SASH1: variants seen among roughly 807,000 people sequenced by gnomAD.
SASH1 encodes SAM and SH3 domain-containing protein 1.
Under a neutral mutation model 125.2 loss-of-function variants are expected in SASH1, and 44 were observed. The ratio of observed to expected loss-of-function variants is 0.35; its 90% CI spans 0.28 to 0.45. The LOEUF (loss-of-function observed/expected upper bound fraction) is 0.45, where lower values mean the gene tolerates loss of function less well. Ranked by LOEUF, SASH1 falls within the 20% of genes least tolerant of loss-of-function variation. The pLI is 1.00. For missense variants in SASH1, 1,426 were observed against 1,614.5 expected, an observed-to-expected ratio of 0.88 and a Z score of 2.00; for synonymous variants, 639 against 649.1, an observed-to-expected ratio of 0.98 and a Z score of 0.24.
chr6:148,304,076 G>A (rs768764394), intron 1 of SASH1, among the ~76,000 whole-genome samples: 10 of 152,086 alleles, frequency 6.6e-5, no homozygotes, highest in Non-Finnish European at 1.5e-4. Context: ...AGGCCGAGGT[G>A]GGTGGATCAC....
upstream of SASH1, among the ~76,000 whole-genome samples, chr6:148,268,178 G>A (rs1778986829): frequency 6.6e-6 from 1 of 152,136 alleles, no homozygotes; most frequent in African/African-American, 2.4e-5. Flanking sequence ...AACAATTTGG[G>A]ATGCTAGGAA....
At position 148,527,977 on chromosome 6, in the gene SASH1, C is replaced by CTT. The variant is rs5880790; in HGVS notation, c.1428+391_1428+392dup. Among the ~76,000 whole-genome samples the CTT allele has an allele frequency of 6.1e-4, 58 of 94,382 alleles. 2 individuals are homozygous for CTT. Among genetic ancestry groups the CTT allele is most frequent in the Admixed American group, 1.4e-3 (14 of 9,736 alleles). 61.9% of individuals were successfully genotyped at this position (94,382 alleles called of 152,430 possible). ...GATGTTACCTGAATCAAACCTAAAG[C>CTT]TTTTTTTTTTTGGGGGGGGGGGTGG... On this transcript the variant is annotated intron_variant, in intron 12 of 19. Transcript: ENST00000367467.
At chr6:148,505,648 T>C (rs1779758063) in intron 8 of SASH1, among the ~76,000 whole-genome samples, 2 of 149,518 alleles carry the variant, frequency 1.3e-5, no homozygotes, top group South Asian at 4.2e-4. Flanking sequence ...TTTTTTTTCT[T>C]TTTTCTTTTT....
chr6:148,533,026 T>C lies in SASH1; in HGVS notation c.1734+60T>C, dbSNP rs768549746. 7.1e-6 allele frequency: 11 copies of C among 1,552,146 alleles called. No individual in the cohort carries two copies. The highest frequency in any genetic ancestry group is 8.9e-6 in the Non-Finnish European group (10 of 1,127,158). ...GGCTCTTCCATTTCTCTAGGAGGCT[T>C]TCTTTCCTCCTCACTGTTGAATGCT... On this transcript the variant is annotated intron_variant, in intron 14 of 19. Coordinates refer to ENST00000367467, the MANE Select transcript of SASH1 (RefSeq NM_015278.5). The surrounding 1 kb of genome is among the most constrained non-coding windows in gnomAD (Gnocchi z 6.2).
chr6:148,545,856 G>A (rs1226858010), intron 18 of SASH1, among the ~76,000 whole-genome samples, 159 bp from the exon 19 acceptor site: 3 of 152,260 alleles, frequency 2.0e-5, no homozygotes, highest in African/African-American at 4.8e-5. Context: ...CGAGAAGATC[G>A]CTTGAGCCCA....
chr6:148,353,476 C>T (rs1454801031), intron 1 of SASH1, among the ~76,000 whole-genome samples: 1 of 141,616 alleles, frequency 7.1e-6, no homozygotes, highest in Non-Finnish European at 1.5e-5. Context: ...TTGCTGTCTC[C>T]CACGCTGGAG....
intron 1 of SASH1, among the ~76,000 whole-genome samples, chr6:148,312,297 C>A (rs902227101): frequency 6.6e-6 from 1 of 152,080 alleles, no homozygotes; most frequent in African/African-American, 2.4e-5. Flanking sequence ...CTCCATAAGC[C>A]TGATCAGGAA....
At position 148,534,720 on chromosome 6, in the gene SASH1, C is replaced by T. The variant is rs762018755; in HGVS notation, c.1945-31C>T. 36 of 1,613,414 alleles carry T rather than the reference C, an allele frequency of 2.2e-5. No homozygotes were observed. In the East Asian group the frequency reaches 7.1e-4, roughly 32 times the overall value. On this transcript the variant is annotated intron_variant, in intron 15 of 19. Coordinates refer to ENST00000367467, the MANE Select transcript of SASH1 (RefSeq NM_015278.5). ...GTTATCATGTGTCTGGGCTGGCTGA[C>T]ACCCTTCTGTCTTCCTTCTCCCTCT...
chr6:148,494,719 C>T (rs890546485), intron 8 of SASH1, among the ~76,000 whole-genome samples: 1 of 152,176 alleles, frequency 6.6e-6, no homozygotes, highest in Admixed American at 6.5e-5. Flanking sequence ...TGTGTGCACT[C>T]TTCATAGCCT....
At chr6:148,357,031 T>G (rs1336650546) in intron 1 of SASH1, among the ~76,000 whole-genome samples, 1 of 152,206 alleles carries the variant, frequency 6.6e-6, no homozygotes, top group East Asian at 1.9e-4. Context: ...TTTGATGGGA[T>G]TATTTGTTTT....
chr6:148,403,095 CA>C (rs1383593613), intron 2 of SASH1, among the ~76,000 whole-genome samples: 1 of 152,076 alleles, frequency 6.6e-6, no homozygotes, highest in African/African-American at 2.4e-5. Flanking sequence ...AGGCCAATGC[CA>C]AATCTTCCCT....
intron 4 of SASH1, among the ~76,000 whole-genome samples, chr6:148,454,446 T>C (rs1242137443): frequency 3.3e-5 from 5 of 152,182 alleles, no homozygotes; most frequent in Admixed American, 6.5e-5. Context: ...AATCCGGCTG[T>C]TCTAAATTGT....
chr6:148,422,304 C>A (rs770584311), intron 2 of SASH1, among the ~76,000 whole-genome samples: 4 of 152,224 alleles, frequency 2.6e-5, no homozygotes, highest in Non-Finnish European at 5.9e-5. Context: ...AACAGTACTC[C>A]ACCTTGTCCC....
intron 4 of SASH1, among the ~76,000 whole-genome samples, chr6:148,442,058 T>C (rs762496137): frequency 5.9e-5 from 9 of 152,276 alleles, no homozygotes; most frequent in Non-Finnish European, 1.0e-4. Flanking sequence ...AAAACTATGC[T>C]ATCCTTTGCT....
At chr6:148,249,041 T>C in the SASH1 span, among the ~76,000 whole-genome samples, 1 of 152,106 alleles carries the variant, frequency 6.6e-6, no homozygotes, top group African/African-American at 2.4e-5. Context: ...AGAACCTGGC[T>C]CACAGTGAAT....
At chr6:148,243,089 G>C in the SASH1 span, among the ~76,000 whole-genome samples, 1 of 151,836 alleles carries the variant, frequency 6.6e-6, no homozygotes, top group Non-Finnish European at 1.5e-5. Flanking sequence ...GCTGAGACAG[G>C]CGAGTCACTT....
At chr6:148,349,248 CTTTCTTTTTTTTTTTT>C (rs1304336472) in intron 1 of SASH1, among the ~76,000 whole-genome samples, 3 of 66,246 alleles carry the variant, frequency 4.5e-5, no homozygotes, top group Non-Finnish European at 8.0e-5. Flanking sequence ...TTTCTTCTTT[CTTTCTTTTTTTTTTTT>C]TTTTTTTTTT....
chr6:148,381,570 A>G (rs1783132915), intron 1 of SASH1, among the ~76,000 whole-genome samples: 1 of 144,960 alleles, frequency 6.9e-6, no homozygotes, highest in African/African-American at 2.6e-5. Context: ...GTGGGCCCCC[A>G]TGGCTGTTGC....
chr6:148,399,872 A>G (rs1381084716), intron 2 of SASH1, among the ~76,000 whole-genome samples: 1 of 152,242 alleles, frequency 6.6e-6, no homozygotes, highest in African/African-American at 2.4e-5. Context: ...AACGAGGCCC[A>G]GGCCAGGTGC....
Sources: allele counts gnomAD v4.1 joint callset (sites outside exome capture counted in the v4.1 genomes callset), GRCh38; gene constraint gnomAD v4.1.1; non-coding constraint Gnocchi (gnomAD v3.1); transcripts MANE v1.5; gene names NCBI Gene and HGNC (gene_info 2026-07-23, HGNC 2026-07-21).